LRFN5: variants seen among roughly 807,000 people sequenced by gnomAD.
The protein encoded by LRFN5 is leucine-rich repeat and fibronectin type-III domain-containing protein 5.
Under a neutral mutation model 45.6 loss-of-function variants are expected in LRFN5, and 24 were observed. That is an observed-to-expected ratio of 0.53 (90% CI 0.38 to 0.74). The LOEUF (loss-of-function observed/expected upper bound fraction) is 0.74. LRFN5 is among the 30% of genes least tolerant of loss of function. The pLI, the probability that LRFN5 is intolerant of heterozygous loss-of-function variation, is 0.00. For synonymous variants in LRFN5, 340 were observed against 313.8 expected (o/e 1.08, Z -0.88); for missense variants, 776 against 861.5 (o/e 0.90, Z 1.24).
chr14:41,724,884 T>C (rs1883866843), intron 1 of LRFN5, among the ~76,000 whole-genome samples: 1 of 152,226 alleles, frequency 6.6e-6, no homozygotes, highest in Non-Finnish European at 1.5e-5. Flanking sequence ...TTTCAAACTT[T>C]GGTAATCGGT....
chr14:41,615,187 A>G (rs1292536265), intron 1 of LRFN5, among the ~76,000 whole-genome samples: 2 of 152,256 alleles, frequency 1.3e-5, no homozygotes, highest in South Asian at 2.1e-4. Context: ...CATCTTGACT[A>G]AGCTTGAGTA....
At chr14:41,633,133 A>C (rs1281273602) in intron 1 of LRFN5, among the ~76,000 whole-genome samples, 2 of 151,950 alleles carry the variant, frequency 1.3e-5, no homozygotes, top group East Asian at 3.9e-4. Flanking sequence ...ACAGTCTTAA[A>C]CACAATACCT....
chr14:41,607,003 C>G lies in LRFN5; in HGVS notation c.-1756C>G, dbSNP rs1887508703. On this transcript the variant is annotated 5_prime_UTR_variant, in exon 1 of 6. Transcript: ENST00000298119. ...TCCGCCCCGGCCGCGGCCGCAGCCC[C>G]GGACCTCGGCTGCTTGCCTCGCGCC... 1.3e-5 allele frequency among the ~76,000 whole-genome samples: 2 copies of G among 152,078 alleles called. No homozygotes were observed. The highest frequency in any genetic ancestry group is 1.9e-4 in the East Asian group (1 of 5,174).
Position 41,660,759 on chromosome 14 carries a change from T to C in LRFN5, c.-197+52197T>C, listed in dbSNP as rs192063425. Among the ~76,000 whole-genome samples, 1,376 of 151,746 alleles carry C rather than the reference T, an allele frequency of 9.1e-3. 6 individuals are homozygous for C. The highest frequency in any genetic ancestry group is 0.014 in the East Asian group (73 of 5,124). On this transcript the variant is annotated intron_variant, in intron 1 of 5. Transcript: ENST00000298119. ...TGGGAAACTACAGTATTAATCAGAA[T>C]CTCAAGTGATTCTGATGCATGTGGC...
At chr14:41,712,778 C>T (rs1206900303) in intron 1 of LRFN5, among the ~76,000 whole-genome samples, 1 of 152,010 alleles carries the variant, frequency 6.6e-6, no homozygotes, top group Non-Finnish European at 1.5e-5. Flanking sequence ...TTTGCTGCTC[C>T]TCCCATTTTG....
intron 1 of LRFN5, among the ~76,000 whole-genome samples, chr14:41,724,545 C>A (rs577470084): frequency 9.9e-5 from 15 of 152,080 alleles, no homozygotes; most frequent in African/African-American, 3.6e-4. Flanking sequence ...TTCATAAGCT[C>A]ATATGAATGA....
At chr14:41,880,149 G>A (rs886073883) in intron 2 of LRFN5, among the ~76,000 whole-genome samples, 26 of 151,638 alleles carry the variant, frequency 1.7e-4, no homozygotes, top group Middle Eastern at 6.8e-3. Flanking sequence ...GGATGGTCTC[G>A]ATCTCCTGAC....
chr14:41,632,552 G>A (rs143158057), intron 1 of LRFN5, among the ~76,000 whole-genome samples: 1 of 152,040 alleles, frequency 6.6e-6, no homozygotes. Context: ...GCCGTGAGCC[G>A]AGATCGCACT....
In LRFN5 at chr14:41,651,231, C is replaced by T. The variant is rs539783467; in HGVS notation, c.-197+42669C>T. 1.3e-3 allele frequency among the ~76,000 whole-genome samples: 204 copies of T among 152,174 alleles called. 1 individual carries two copies. Among genetic ancestry groups the T allele is most frequent in the Non-Finnish European group, 2.5e-3 (169 of 67,998 alleles). On this transcript the variant is annotated intron_variant, in intron 1 of 5. Coordinates refer to ENST00000298119, the MANE Select transcript of LRFN5 (RefSeq NM_152447.5). ...TAACAACCAGAAACAATTTGAGCTT[C>T]CTTTGTGGAAACTTTAAATGAATAT...
intron 2 of LRFN5, among the ~76,000 whole-genome samples, chr14:41,836,225 A>G (rs1888658673): frequency 6.6e-6 from 1 of 152,224 alleles, no homozygotes. Flanking sequence ...CACTATTCTG[A>G]GAACATGAAT....
At chr14:41,709,031 T>G (rs1348849754) in intron 1 of LRFN5, among the ~76,000 whole-genome samples, 2 of 151,996 alleles carry the variant, frequency 1.3e-5, no homozygotes, top group African/African-American at 4.8e-5. Context: ...TCTAGGTTTA[T>G]TTTTCTTTCT....
At chr14:41,803,599 G>A (rs968064216) in intron 2 of LRFN5, among the ~76,000 whole-genome samples, 1 of 151,672 alleles carries the variant, frequency 6.6e-6, no homozygotes, top group African/African-American at 2.4e-5. Context: ...TTCCTGCCTG[G>A]GTCTCTCAAA....
chr14:41,810,272 A>G (rs1887691668), intron 2 of LRFN5, among the ~76,000 whole-genome samples: 1 of 152,054 alleles, frequency 6.6e-6, no homozygotes, highest in African/African-American at 2.4e-5. Flanking sequence ...GTAACAATAC[A>G]TTACTGCCTC....
chr14:41,753,081 T>C (rs187918365), intron 1 of LRFN5, among the ~76,000 whole-genome samples: 1 of 152,142 alleles, frequency 6.6e-6, no homozygotes, highest in Non-Finnish European at 1.5e-5. Flanking sequence ...GTTGTAGATA[T>C]GCGGCATTAT....
chr14:41,800,654 A>G (rs1887295413), intron 2 of LRFN5, among the ~76,000 whole-genome samples: 2 of 151,870 alleles, frequency 1.3e-5, no homozygotes, highest in Admixed American at 1.3e-4. Flanking sequence ...AATTCCTAAC[A>G]AATGAAATAA....
intron 1 of LRFN5, among the ~76,000 whole-genome samples, chr14:41,661,420 C>A (rs1022694294): frequency 6.6e-6 from 1 of 151,880 alleles, no homozygotes; most frequent in Non-Finnish European, 1.5e-5. Context: ...TGTTAACAAC[C>A]CTCAAGGGTG....
intron 4 of LRFN5, among the ~76,000 whole-genome samples, chr14:41,895,520 G>C (rs559135533): frequency 6.6e-6 from 1 of 152,098 alleles, no homozygotes; most frequent in Non-Finnish European, 1.5e-5. Flanking sequence ...AGCTACTCAG[G>C]AGGCTGAGGT....
At chr14:41,892,847 A>G (rs992705046) in intron 4 of LRFN5, 1 of 985,358 alleles carries the variant, frequency 1.0e-6, no homozygotes, top group African/African-American at 1.7e-5. Flanking sequence ...ATGCATCTAC[A>G]TGGACATATG....
Position 41,887,925 on chromosome 14 carries a change from A to G in LRFN5, c.1300A>G (p.Lys434Glu). 6.2e-7 allele frequency: 1 copy of G among 1,613,916 alleles called. No individual in the cohort carries two copies. Among genetic ancestry groups the G allele is most frequent in the Non-Finnish European group, 8.5e-7 (1 of 1,179,842 alleles). ...AGCTACATCATCAACGGCACTACTT[A>G]AATTTAATTTTCAAAGAAATATCCC... is the stretch of plus-strand genomic sequence containing the variant. ...AEATSSTALL[K>E]FNFQRNIPGI... is the part of the protein sequence containing the mutation. Residue 434 changes from lysine (K) to glutamate (E), a missense_variant, in exon 3 of 6, where the codon AAA (lysine) becomes GAA (glutamate). Around this residue, in one of 2 missense-constraint regions of LRFN5, gnomAD observed 465 missense variants for 456.4 expected, o/e 1.02. Transcript: ENST00000298119. This position sits in a 1 kb window ranked among gnomAD's most constrained non-coding sequence, Gnocchi z 4.8.
Sources: gnomAD v4.1 joint callset for allele counts (sites outside exome capture counted in the v4.1 genomes callset) on GRCh38, gnomAD v4.1.1 for gene constraint, gnomAD v4.1.1 regional missense constraint, Gnocchi (gnomAD v3.1) non-coding constraint, MANE v1.5 for transcripts, NCBI Gene and HGNC (gene_info 2026-07-23, HGNC 2026-07-21) for gene names.